Variants in TFE3 observed in about 807,000 individuals in gnomAD.
TFE3 encodes transcription factor E3.
Under a neutral mutation model 35.0 loss-of-function variants are expected in TFE3, and 5 were observed. That is an observed-to-expected ratio of 0.14 (90% CI 0.07 to 0.30). TFE3 has a LOEUF of 0.30. Ranked by LOEUF, TFE3 falls within the 10% of genes least tolerant of loss-of-function variation. The probability of loss-of-function intolerance (pLI) is 1.00; values close to 1 mark genes in which losing one functional copy is unlikely to be tolerated. For synonymous variants in TFE3, 211 were observed against 215.6 expected, an observed-to-expected ratio of 0.98 and a Z score of 0.18; for missense variants, 374 against 496.6, an observed-to-expected ratio of 0.75 and a Z score of 2.35.
rs1557075167 is a variant in TFE3 at position 49,038,501 on chromosome X, G to A, written c.535-59C>T. On this transcript the variant is annotated intron_variant, in intron 3 of 9. Coordinates refer to ENST00000315869, the MANE Select transcript of TFE3 (RefSeq NM_006521.6). Reference sequence around the variant, plus strand: ...ACAAGGCAGAACAGGACTCAAAGGGGTGAATTCTGAGCCCCAGCCTGACCC... The same window carrying A: ...ACAAGGCAGAACAGGACTCAAAGGGATGAATTCTGAGCCCCAGCCTGACCC... 3 of 1,156,325 alleles carry A rather than the reference G, an allele frequency of 2.6e-6. No individual in the cohort carries two copies. The African/African-American group carries it at 5.4e-5, about 21-fold the overall frequency.
At chrX:49,039,482 G>A in intron 2 of TFE3, 72 bp from the exon 3 acceptor site, 1 of 1,039,719 alleles carries the variant, frequency 9.6e-7, no homozygotes, top group Non-Finnish European at 1.3e-6. Flanking sequence ...AAGGGTCTTA[G>A]CGTGACGGAG....
At position 49,039,424 on chromosome X, in the gene TFE3, A is replaced by G. The variant is rs897683215; in HGVS notation, c.231-14T>C. 10 of 1,161,381 alleles carry G rather than the reference A, an allele frequency of 8.6e-6. No homozygotes were observed. Among genetic ancestry groups the G allele is most frequent in the Middle Eastern group, 2.4e-4 (1 of 4,151 alleles). On this transcript the variant is annotated splice_polypyrimidine_tract_variant and intron_variant, in intron 2 of 9. Coordinates refer to ENST00000315869, the MANE Select transcript of TFE3 (RefSeq NM_006521.6). ...GATATTGGGAGGCTGTGGAATGGGA[A>G]ATATGGGGCCATATTTTAGGTAAGC...
intron 5 of TFE3, among the ~76,000 whole-genome samples, chrX:49,035,013 T>A (rs2147771973): frequency 9.1e-6 from 1 of 109,883 alleles, no homozygotes. Context: ...AGCACGTCAA[T>A]CTTAAGTATA....
At chrX:49,040,325 A>G in intron 2 of TFE3, 130 bp downstream of exon 2, 1 of 390,734 alleles carries the variant, frequency 2.6e-6, no homozygotes, top group Non-Finnish European at 4.3e-6. Context: ...CTGGTCCCTA[A>G]TTTTACCACC....
In TFE3 at chrX:49,042,888, C is replaced by T. The variant is rs368034397; in HGVS notation, c.116+223G>A. 6.2e-5 allele frequency among the ~76,000 whole-genome samples: 7 copies of T among 112,080 alleles called. No individual in the cohort carries two copies. The East Asian group carries it at 8.4e-4, about 14-fold the overall frequency. The stretch of plus-strand genomic sequence containing the variant: ...TAGACGCAGTCAAGGGCTCCCCAAA[C>T]CTGACCCAGACCCCGCTTAATGCAC... On this transcript the variant is annotated intron_variant, in intron 1 of 9. Transcript: ENST00000315869.
chrX:49,035,321 C>CT (rs2064721950), intron 5 of TFE3, among the ~76,000 whole-genome samples: 1 of 5,303 alleles, frequency 1.9e-4, no homozygotes, highest in East Asian at 0.021. Flanking sequence ...GACTCTATCT[C>CT]AAAATAAATA....
Position 49,038,406 on chromosome X carries a change from G to A in TFE3, c.571C>T (p.Leu191=). 1 of 1,202,371 alleles carries A rather than the reference G, an allele frequency of 8.3e-7. No homozygotes were observed. Among genetic ancestry groups the A allele is most frequent in the Non-Finnish European group, 1.1e-6 (1 of 893,685 alleles). Residue 191 remains leucine (L), a synonymous_variant, in exon 4 of 10, where the codon CTG becomes TTG. Transcript: ENST00000315869. ...THLENPTRYH[L]QQARRQQVKQ... ...ACCTGCTGCCGGCGCGCCTGCTGCA[G>A]GTGGTAGCGCGTTGGGTTCTCCAGA...
At position 49,029,403 on chromosome X, in the gene TFE3, T is replaced by C; in HGVS notation, c.*755A>G. 4.5e-6 allele frequency: 1 copy of C among 222,434 alleles called. No homozygotes were observed. The highest frequency in any genetic ancestry group is 2.7e-5 in the African/African-American group (1 of 37,313). The allele number at this position is 222,434 out of a possible 1,213,427, so 18.3% of individuals were successfully genotyped here. A position where few individuals can be genotyped will look rare whatever the true frequency, so the allele number is the denominator to read the frequency against. On this transcript the variant is annotated 3_prime_UTR_variant, in exon 10 of 10. Transcript: ENST00000315869. ...GCTTAAGTACCACTCCTCCCTGCAG[T>C]GTGGAATGCTTAGATGGGATGTTGC... is the stretch of plus-strand genomic sequence containing the variant.
intron 1 of TFE3, among the ~76,000 whole-genome samples, chrX:49,041,965 G>A (rs1163414426): frequency 9.0e-6 from 1 of 110,915 alleles, no homozygotes; most frequent in Non-Finnish European, 1.9e-5. Flanking sequence ...GGAAGAGGAA[G>A]CTCGGGCGAG....
At chrX:49,041,927 T>C (rs1313671424) in intron 1 of TFE3, among the ~76,000 whole-genome samples, 1 of 111,364 alleles carries the variant, frequency 9.0e-6, no homozygotes, top group African/African-American at 3.3e-5. Context: ...CACCCTCAGA[T>C]GGAGCCCTAA....
Position 49,033,715 on chromosome X carries a change from C to G in TFE3, c.1060+11G>C. Reference sequence around the variant, plus strand: ...ACAGCACCCGGGCAATGCACACGCTCTCTGGCTTACTTAGGTTGTGATTGT... The same window carrying G: ...ACAGCACCCGGGCAATGCACACGCTGTCTGGCTTACTTAGGTTGTGATTGT... On this transcript the variant is annotated intron_variant, in intron 7 of 9. Transcript: ENST00000315869. 1 of 1,211,196 alleles carries G rather than the reference C, an allele frequency of 8.3e-7. No homozygotes were observed.
intron 5 of TFE3, among the ~76,000 whole-genome samples, chrX:49,035,670 G>A (rs1357196934): frequency 1.8e-5 from 2 of 108,124 alleles, no homozygotes; most frequent in Admixed American, 1.0e-4. Context: ...GCCTCCCAAA[G>A]TGCTGGGATT....
rs377088709 is a variant in TFE3, at chrX:49,029,993, C to T, written c.*165G>A. 1.0e-3 allele frequency: 592 copies of T among 567,176 alleles called. 1 individual carries two copies. Among genetic ancestry groups the T allele is most frequent in the Non-Finnish European group, 8.8e-4 (304 of 344,924 alleles). The allele number at this position is 567,176 out of a possible 1,213,427, so 46.7% of individuals were successfully genotyped here. On this transcript the variant is annotated 3_prime_UTR_variant, in exon 10 of 10. Coordinates refer to ENST00000315869, the MANE Select transcript of TFE3 (RefSeq NM_006521.6). ...GAAGGTGCAGGGCCTCATCTGACTC[C>T]TCCTCCTTGCCTGATTACAGGGGTG...
chrX:49,039,369 G>C lies in TFE3; in HGVS notation c.272C>G (p.Thr91Arg). The C allele has an allele frequency of 8.3e-7, 1 of 1,203,406 alleles. No individual in the cohort carries two copies. The highest frequency in any genetic ancestry group is 1.1e-6 in the Non-Finnish European group (1 of 891,051). Residue 91 changes from threonine to arginine, a missense_variant, in exon 3 of 10, where the codon ACA becomes AGA. By Grantham distance (71) the Thr-to-Arg change is moderately conservative (BLOSUM62 -1). Coordinates refer to ENST00000315869, the MANE Select transcript of TFE3 (RefSeq NM_006521.6). ...CCCTGCAGAAGACGATGCAGAGAGTGTAGCTGGGGTGGCTGGTGTGGCCTG... is the reference window on the plus strand; with the variant it reads ...CCCTGCAGAAGACGATGCAGAGAGTCTAGCTGGGGTGGCTGGTGTGGCCTG... The part of the protein sequence containing the change: ...SLQATPATPA[T>R]LSASSSAGGS...
In TFE3 at chrX:49,039,332, G is replaced by C. The variant is rs1218955276; in HGVS notation, c.309C>G (p.Thr103=). ...SASSSAGGSR[T]PAMSSSSSSR... is the part of the protein sequence containing the mutation. ...ATGAAGAAGATGACGACATGGCAGG[G>C]GTCCTGGAGCCCCCTGCAGAAGACG... The change falls in exon 3 of 10, where the codon ACC becomes ACG. Residue 103 remains threonine (T), a synonymous_variant. Coordinates refer to ENST00000315869, the MANE Select transcript of TFE3 (RefSeq NM_006521.6). The C allele has an allele frequency of 8.3e-7, 1 of 1,207,500 alleles. No individual in the cohort carries two copies.
chrX:49,030,410 G>A lies in TFE3; in HGVS notation c.1476C>T (p.Pro492=). Residue 492 remains proline, a synonymous_variant, in exon 10 of 10, where the codon CCC becomes CCT. Transcript: ENST00000315869. The part of the protein sequence containing the change: ...GPAQNAPHQQ[P]PAPPSDALLD... ...GAAGGGCATCTGAGGGCGGTGCAGG[G>A]GGCTGCTGATGGGGAGCATTCTGGG... 8.3e-7 allele frequency: 1 copy of A among 1,211,662 alleles called. No individual in the cohort carries two copies. The highest frequency in any genetic ancestry group is 3.0e-5 in the East Asian group (1 of 33,809).
rs1258882172 is a variant in TFE3, at chrX:49,040,649, GA to G, written c.117-82del. 579 of 717,353 alleles carry G rather than the reference GA, an allele frequency of 8.1e-4. 3 individuals carry two copies. The African/African-American group carries it at 0.012, about 15-fold the overall frequency. 59.1% of individuals were successfully genotyped at this position (717,353 alleles called of 1,213,427 possible). ...CCCTCCCCTGAGACAGAGAAAGAGA[GA>G]GAGAGGGGGGGAGAACGAAGAGGAG... On this transcript the variant is annotated intron_variant, in intron 1 of 9. Coordinates refer to ENST00000315869, the MANE Select transcript of TFE3 (RefSeq NM_006521.6).
intron 1 of TFE3, 52 bp from the exon 2 acceptor site, chrX:49,040,620 C>T: frequency 1.2e-6 from 1 of 845,608 alleles, no homozygotes; most frequent in Non-Finnish European, 1.8e-6. Flanking sequence ...ACCTTATTCC[C>T]CAGCCCTCCC....
At chrX:49,034,508 T>C (rs1728574738) in intron 5 of TFE3, among the ~76,000 whole-genome samples, 1 of 111,534 alleles carries the variant, frequency 9.0e-6, no homozygotes, top group South Asian at 3.7e-4. Flanking sequence ...GCTTATCACT[T>C]CCTCCAGTCC....
Sources: gnomAD v4.1 joint callset for allele counts (sites outside exome capture counted in the v4.1 genomes callset) on GRCh38, gnomAD v4.1.1 for gene constraint, MANE v1.5 for transcripts, NCBI Gene and HGNC (gene_info 2026-07-23, HGNC 2026-07-21) for gene names.